PDXDC1: variants seen among roughly 807,000 people sequenced by gnomAD.
PDXDC1 encodes the protein pyridoxal-dependent decarboxylase domain-containing protein 1.
A neutral mutation model predicts 100.1 loss-of-function variants in PDXDC1; 42 were observed. The observed-to-expected ratio is 0.42, with a 90% confidence interval of 0.33 to 0.54. The LOEUF is 0.54. Ranked by LOEUF, PDXDC1 falls within the 20% of genes least tolerant of loss-of-function variation. The pLI is 0.10. For missense variants in PDXDC1, 636 were observed against 979.2 expected (o/e 0.65, Z 4.68); for synonymous variants, 260 against 371.7 (o/e 0.70, Z 3.46).
intron 16 of PDXDC1, chr16:15,086,387 T>A: frequency 6.2e-7 from 1 of 1,613,776 alleles, no homozygotes; most frequent in Non-Finnish European, 8.5e-7. Context: ...GATAAGTTGC[T>A]CAAAGTCTTT....
intron 16 of PDXDC1, chr16:15,131,100 A>G: frequency 6.2e-7 from 1 of 1,607,314 alleles, no homozygotes. Context: ...CCAGCAGCGT[A>G]TAGTTGAGCT....
intron 9 of PDXDC1, among the ~76,000 whole-genome samples, chr16:15,016,904 G>A (rs574031949): frequency 1.0e-4 from 16 of 152,396 alleles, no homozygotes; most frequent in African/African-American, 3.6e-4. Flanking sequence ...TTAAATGAGC[G>A]GGGATAGTTC....
chr16:15,128,976 T>C (rs1331722516), intron 16 of PDXDC1, among the ~76,000 whole-genome samples: 1 of 150,192 alleles, frequency 6.7e-6, no homozygotes, highest in Non-Finnish European at 1.5e-5. Flanking sequence ...GGCCTAATTT[T>C]TTTGTATTTT....
intron 16 of PDXDC1, among the ~76,000 whole-genome samples, chr16:15,099,500 C>G (rs1014911669): frequency 2.0e-5 from 3 of 150,982 alleles, no homozygotes; most frequent in Non-Finnish European, 4.4e-5. Context: ...ATTCTTTGAC[C>G]ATGTCCGTTC....
downstream of PDXDC1, chr16:15,041,087 A>G (rs1485638793): frequency 6.2e-7 from 1 of 1,602,316 alleles, no homozygotes; most frequent in Non-Finnish European, 8.6e-7. Flanking sequence ...ATATTACTGG[A>G]AAGTGGTTTT....
intron 16 of PDXDC1, chr16:15,055,904 TG>T: frequency 8.1e-7 from 1 of 1,231,000 alleles, no homozygotes; most frequent in Non-Finnish European, 1.0e-6. Context: ...CAAAGGCGGG[TG>T]GGCTCGGACG....
At chr16:15,090,287 G>C (rs1015220815) in intron 16 of PDXDC1, among the ~76,000 whole-genome samples, 5 of 152,074 alleles carry the variant, frequency 3.3e-5, no homozygotes, top group African/African-American at 1.2e-4. Flanking sequence ...ACAGTGATAA[G>C]AACAGTGGAC....
At chr16:14,989,291 G>T (rs1350347361) in intron 1 of PDXDC1, 1 of 1,613,220 alleles carries the variant, frequency 6.2e-7, no homozygotes, top group African/African-American at 1.3e-5. Flanking sequence ...GGCCAGAGAC[G>T]TGCACCACCC....
At chr16:15,072,875 C>G in intron 16 of PDXDC1, 3 of 1,458,164 alleles carry the variant, frequency 2.1e-6, no homozygotes, top group Admixed American at 1.8e-5. Context: ...GGTCTCCGTC[C>G]ACCCCAGTTT....
intron 16 of PDXDC1, chr16:15,131,108 G>A (rs2151915424): frequency 1.2e-6 from 2 of 1,607,170 alleles, no homozygotes; most frequent in East Asian, 4.5e-5. Context: ...GTATAGTTGA[G>A]CTGCAGATGC....
downstream of PDXDC1, chr16:15,038,726 T>C (rs201293340): frequency 8.6e-7 from 1 of 1,167,386 alleles, no homozygotes; most frequent in African/African-American, 1.5e-5. Flanking sequence ...TTCAGGAATG[T>C]CACCCACTTT....
chr16:15,003,057 TAC>T (rs545353541), intron 4 of PDXDC1, among the ~76,000 whole-genome samples: 41 of 152,366 alleles, frequency 2.7e-4, no homozygotes, highest in African/African-American at 9.1e-4. Context: ...CCTTCTTTTT[TAC>T]AGTTATTCTT....
chr16:15,032,919 A>T lies in PDXDC1; in HGVS notation c.1630A>T (p.Ile544Phe). The change falls in exon 18 of 23, where the codon ATC becomes TTC. Residue 544 changes from isoleucine (I) to phenylalanine (F), a missense_variant. Ile to Phe is a conservative substitution (Grantham distance 21, BLOSUM62 0). Transcript: ENST00000396410. ...SLKSDPEGEN[I>F]HAGLLKKLNE... ...GAAATCAGATCCCGAAGGGGAAAAC[A>T]TCCATGCTGGACTCCTGAAGAAGTT... The T allele has an allele frequency of 6.2e-7, 1 of 1,612,966 alleles. No individual in the cohort carries two copies. Among genetic ancestry groups the T allele is most frequent in the Non-Finnish European group, 8.5e-7 (1 of 1,178,874 alleles).
chr16:15,075,250 C>T (rs549062642), intron 16 of PDXDC1, among the ~76,000 whole-genome samples: 1,753 of 68,048 alleles, frequency 0.026, 21 homozygotes, highest in Non-Finnish European at 0.039. Context: ...TGTGCCCCAC[C>T]AAAAAAAAAA....
intron 16 of PDXDC1, chr16:15,130,456 T>G (rs749196475): frequency 6.9e-7 from 1 of 1,454,604 alleles, no homozygotes; most frequent in Non-Finnish European, 9.6e-7. Context: ...TCTCTGGTCC[T>G]GGGCAGGGAA....
At chr16:15,064,422 G>A (rs547295891) in intron 16 of PDXDC1, among the ~76,000 whole-genome samples, 4 of 152,196 alleles carry the variant, frequency 2.6e-5, no homozygotes, top group East Asian at 1.9e-4. Flanking sequence ...TGATCCGCCC[G>A]CCTCAGCCTC....
intron 8 of PDXDC1, among the ~76,000 whole-genome samples, chr16:15,011,022 C>T (rs1229961957): frequency 1.1e-4 from 16 of 152,298 alleles, no homozygotes; most frequent in Non-Finnish European, 1.8e-4. Context: ...GTAGATTCAA[C>T]TTGATCCATC....
intron 4 of PDXDC1, among the ~76,000 whole-genome samples, chr16:15,002,882 C>T (rs1292099901): frequency 1.3e-5 from 2 of 152,174 alleles, no homozygotes; most frequent in African/African-American, 2.4e-5. Flanking sequence ...AATGGTGTTT[C>T]AGCATAATTC....
intron 3 of PDXDC1, among the ~76,000 whole-genome samples, chr16:14,999,630 CTGAG>C (rs1299562332): frequency 1.3e-5 from 2 of 152,210 alleles, no homozygotes; most frequent in Non-Finnish European, 2.9e-5. Context: ...ATTTGGTAGA[CTGAG>C]TTTTATTCTA....
Sources: gnomAD v4.1 joint callset for allele counts (sites outside exome capture counted in the v4.1 genomes callset) on GRCh38, gnomAD v4.1.1 for gene constraint, MANE v1.5 for transcripts, NCBI Gene and HGNC (gene_info 2026-07-23, HGNC 2026-07-21) for gene names.